Variants in LRRK2 observed in about 807,000 individuals in gnomAD.
The protein encoded by LRRK2 is leucine rich repeat kinase 2.
LRRK2 carries 203 observed loss-of-function variants against 302.6 expected under a neutral mutation model. That is an observed-to-expected ratio of 0.67 (90% CI 0.60 to 0.75). The LOEUF (loss-of-function observed/expected upper bound fraction) is 0.75, where lower values mean the gene tolerates loss of function less well. Ranked by LOEUF, LRRK2 falls within the 30% of genes least tolerant of loss-of-function variation. The probability of loss-of-function intolerance (pLI) is 0.00; values close to 1 mark genes in which losing one functional copy is unlikely to be tolerated. For missense variants in LRRK2, 2,830 were observed against 2,951.0 expected, an observed-to-expected ratio of 0.96 and a Z score of 0.95; for synonymous variants, 1,066 against 1,031.9, an observed-to-expected ratio of 1.03 and a Z score of -0.63.
In LRRK2 at chr12:40,291,715, A is replaced by G. The variant is rs185997378; in HGVS notation, c.2690-1830A>G. ...ATTCAGCTGTTATTGGGTCAAATCA[A>G]TAGGCCAAATTGTTTGGTAGGATTT... On this transcript the variant is annotated intron_variant, in intron 20 of 50. Coordinates refer to ENST00000298910, the MANE Select transcript of LRRK2 (RefSeq NM_198578.4). Among the ~76,000 whole-genome samples, 125 of 152,094 alleles carry G rather than the reference A, an allele frequency of 8.2e-4. 2 individuals are homozygous for G. Among genetic ancestry groups the G allele is most frequent in the Non-Finnish European group, 8.8e-5 (6 of 67,964 alleles).
At chr12:40,307,032 A>G (rs1473121776) in intron 28 of LRRK2, among the ~76,000 whole-genome samples, 1 of 151,286 alleles carries the variant, frequency 6.6e-6, no homozygotes, top group Non-Finnish European at 1.5e-5. Flanking sequence ...TGTATTATCT[A>G]ACTAAATATT....
intron 7 of LRRK2, among the ~76,000 whole-genome samples, chr12:40,246,768 G>C (rs1942004539): frequency 6.6e-6 from 1 of 152,130 alleles, no homozygotes; most frequent in African/African-American, 2.4e-5. Context: ...ACCTTACCTT[G>C]CAGAGAGTCT....
At chr12:40,342,085 C>A (rs146174950) in intron 41 of LRRK2, among the ~76,000 whole-genome samples, 172 of 152,310 alleles carry the variant, frequency 1.1e-3, no homozygotes, top group Non-Finnish European at 2.1e-3. Context: ...CCAACCCAGT[C>A]TTTCTGTTCA....
In LRRK2 at chr12:40,235,698, TCTC is replaced by T; in HGVS notation, c.426_428del (p.Leu143del). On this transcript the variant is annotated inframe_deletion, in exon 4 of 51. Coordinates refer to ENST00000298910, the MANE Select transcript of LRRK2 (RefSeq NM_198578.4). The stretch of plus-strand genomic sequence containing the variant: ...CAGTGATTGGACTGAAGACCTTAGA[TCTC>T]CTCCTAACTTCAGGTAATATGTGTA... The T allele has an allele frequency of 6.3e-7, 1 of 1,597,934 alleles. No individual in the cohort carries two copies. Among genetic ancestry groups the T allele is most frequent in the Non-Finnish European group, 8.6e-7 (1 of 1,165,520 alleles).
intron 11 of LRRK2, 78 bp downstream of exon 11, chr12:40,253,094 GA>G: frequency 1.1e-6 from 1 of 903,128 alleles, no homozygotes. Context: ...TATATACTGT[GA>G]AAAATTTACA....
chr12:40,268,926 C>T lies in LRRK2; in HGVS notation c.1656+5025C>T, dbSNP rs145210670. ...GTGTTGGAACAACTAACTCTTCAGC[C>T]ATTTGGGAAAAGCAAAGAAAGCTGA... On this transcript the variant is annotated intron_variant, in intron 14 of 50. Transcript: ENST00000298910. Among the ~76,000 whole-genome samples the T allele has an allele frequency of 3.3e-4, 51 of 152,242 alleles. No homozygotes were observed. The East Asian group carries it at 7.7e-3, about 23-fold the overall frequency.
At chr12:40,245,069 C>G (rs1298647231) in intron 7 of LRRK2, among the ~76,000 whole-genome samples, 2 of 149,028 alleles carry the variant, frequency 1.3e-5, no homozygotes, top group Admixed American at 6.7e-5. Flanking sequence ...TTTATGGTGG[C>G]TTTTGTGATA....
At chr12:40,348,540 C>T (rs1478891000) in intron 43 of LRRK2, 31 bp downstream of exon 43, 1 of 1,425,472 alleles carries the variant, frequency 7.0e-7, no homozygotes, top group East Asian at 2.3e-5. Context: ...ATATTTTGTA[C>T]AGAACATCAT....
chr12:40,254,618 A>G (rs989296104), intron 11 of LRRK2, among the ~76,000 whole-genome samples: 3 of 152,170 alleles, frequency 2.0e-5, no homozygotes, highest in African/African-American at 4.8e-5. Context: ...TACAGACAAC[A>G]TTGTGTTGGT....
chr12:40,357,363 CT>C (rs77689380), intron 46 of LRRK2, among the ~76,000 whole-genome samples: 31 of 151,582 alleles, frequency 2.0e-4, no homozygotes, highest in African/African-American at 7.1e-4. Context: ...GTTGATTCCA[CT>C]TTTTTTTTTA....
chr12:40,296,085 A>T (rs1944375307), intron 23 of LRRK2, among the ~76,000 whole-genome samples: 1 of 152,178 alleles, frequency 6.6e-6, no homozygotes, highest in South Asian at 2.1e-4. Flanking sequence ...TCATCTGTGA[A>T]ATAGAGATTC....
At chr12:40,267,474 A>T (rs923289151) in intron 14 of LRRK2, among the ~76,000 whole-genome samples, 2 of 152,178 alleles carry the variant, frequency 1.3e-5, no homozygotes, top group African/African-American at 4.8e-5. Flanking sequence ...AGCCGTATAG[A>T]TAACTGGTTC....
intron 14 of LRRK2, among the ~76,000 whole-genome samples, chr12:40,265,825 C>A (rs1019759344): frequency 6.6e-6 from 1 of 152,128 alleles, no homozygotes; most frequent in Non-Finnish European, 1.5e-5. Flanking sequence ...TGGAACAGAA[C>A]AGAGCCCTCA....
At position 40,277,979 on chromosome 12, in the gene LRRK2, A is replaced by C. The variant is rs1206357993; in HGVS notation, c.2033A>C (p.Gln678Pro). 8 of 1,613,584 alleles carry C rather than the reference A, an allele frequency of 5.0e-6. No individual in the cohort carries two copies. The change falls in exon 17 of 51, where the codon CAA becomes CCA. Residue 678 changes from glutamine to proline, a missense_variant. Gln to Pro is a moderately conservative substitution (Grantham distance 76, BLOSUM62 -1). Transcript: ENST00000298910. ...HHSFDLVIFH[Q>P]MSSNIMEQKD... ...TCATTTGACTTAGTAATATTCCATC[A>C]AATGTCTTCCAATATCATGGAACAA...
intron 11 of LRRK2, 106 bp from the exon 12 acceptor site, chr12:40,257,142 G>A: frequency 3.7e-6 from 3 of 801,082 alleles, no homozygotes; most frequent in South Asian, 1.6e-5. Flanking sequence ...GTGTGCTCTT[G>A]TATATGCTTT....
intron 3 of LRRK2, among the ~76,000 whole-genome samples, chr12:40,233,296 A>G (rs1941290214): frequency 6.6e-6 from 1 of 152,208 alleles, no homozygotes; most frequent in African/African-American, 2.4e-5. Context: ...TTTATCACAG[A>G]AAAGGAAATT....
Position 40,367,750 on chromosome 12 carries a change from A to C in LRRK2, c.7569A>C (p.Arg2523=). 8 of 1,605,860 alleles carry C rather than the reference A, an allele frequency of 5.0e-6. No individual in the cohort carries two copies. The highest frequency in any genetic ancestry group is 4.4e-5 in the South Asian group (4 of 90,274). The change falls in exon 51 of 51, where the codon CGA becomes CGC. Residue 2523 remains arginine (R), a synonymous_variant. Transcript: ENST00000298910. ...AAGAATTAGCTGAAAAAATGAGACG[A>C]ACATCTGTTGAGTAAGAGAGAAATA... is the stretch of plus-strand genomic sequence containing the variant. The part of the protein sequence containing the change: ...VRKELAEKMR[R]TSVE
rs1485268496 is a variant in LRRK2, at chr12:40,298,796, T to TATATATATAAATAA, written c.3347+306_3347+307insTATATAAATAAATA. On this transcript the variant is annotated intron_variant, in intron 24 of 50. Transcript: ENST00000298910. ...TCAAAGAAATATATATATATATATA[T>TATATATATAAATAA]ATAATATATGTATTATAATATATAA... 1.1e-4 allele frequency among the ~76,000 whole-genome samples: 13 copies of TATATATATAAATAA among 117,378 alleles called. No homozygotes were observed. The Admixed American group carries it at 1.1e-3, about 10-fold the overall frequency. 77.0% of individuals were successfully genotyped at this position (117,378 alleles called of 152,430 possible). A position where few individuals can be genotyped will look rare whatever the true frequency, so the allele number is the denominator to read the frequency against.
At chr12:40,229,463 C>T (rs1015331733) in intron 2 of LRRK2, among the ~76,000 whole-genome samples, 2 of 152,136 alleles carry the variant, frequency 1.3e-5, no homozygotes, top group South Asian at 2.1e-4. Flanking sequence ...AGAAAATTGA[C>T]GGTTAAGCTA....
Sources: allele counts gnomAD v4.1 joint callset (sites outside exome capture counted in the v4.1 genomes callset), GRCh38; gene constraint gnomAD v4.1.1; transcripts MANE v1.5; gene names NCBI Gene and HGNC (gene_info 2026-07-23, HGNC 2026-07-21).